Variants in PRDM5 observed in about 807,000 individuals in gnomAD.
The protein encoded by PRDM5 is PR domain zinc finger protein 5.
PRDM5 carries 56 observed loss-of-function variants against 81.2 expected under a neutral mutation model. The observed-to-expected ratio is 0.69, with a 90% CI of 0.56 to 0.86. The LOEUF (loss-of-function observed/expected upper bound fraction) is 0.86, where lower values mean the gene tolerates loss of function less well. Among genes scored for constraint, PRDM5 ranks in the 40% least tolerant of loss-of-function variants. The pLI is 0.00. For missense variants in PRDM5, 697 were observed against 770.1 expected (o/e 0.91, Z 1.12); for synonymous variants, 267 against 256.4 (o/e 1.04, Z -0.39).
At chr4:120,780,812 TTAGA>T (rs1171449367) in intron 12 of PRDM5, among the ~76,000 whole-genome samples, 1 of 152,126 alleles carries the variant, frequency 6.6e-6, no homozygotes, top group East Asian at 1.9e-4. Context: ...CTCATATTTC[TTAGA>T]AAGAAACAGC....
At chr4:120,860,820 A>G (rs1056379671) in intron 2 of PRDM5, among the ~76,000 whole-genome samples, 1 of 152,150 alleles carries the variant, frequency 6.6e-6, no homozygotes, top group Admixed American at 6.5e-5. Context: ...TATTTCACCA[A>G]AGTATTAGAA....
At chr4:120,773,589 T>C (rs1032490557) in intron 13 of PRDM5, among the ~76,000 whole-genome samples, 1 of 152,164 alleles carries the variant, frequency 6.6e-6, no homozygotes, top group African/African-American at 2.4e-5. Context: ...CCAACTGATT[T>C]TACTGTCACA....
chr4:120,818,061 A>G (rs1204852531), intron 5 of PRDM5: 1 of 291,052 alleles, frequency 3.4e-6, no homozygotes. Flanking sequence ...AGATTAAACC[A>G]GTAAGCTTGA....
intron 14 of PRDM5, among the ~76,000 whole-genome samples, chr4:120,742,723 T>A (rs1426901558): frequency 3.9e-5 from 6 of 152,092 alleles, no homozygotes; most frequent in South Asian, 4.2e-4. Context: ...AAGGAAAGTT[T>A]AGAGAAAAAA....
chr4:120,825,185 T>C (rs1755801106), intron 3 of PRDM5, among the ~76,000 whole-genome samples: 1 of 152,086 alleles, frequency 6.6e-6, no homozygotes, highest in Non-Finnish European at 1.5e-5. Flanking sequence ...ATGGAGAAAA[T>C]AGTAGTGCCT....
chr4:120,768,601 T>G (rs1056471247), intron 13 of PRDM5, among the ~76,000 whole-genome samples: 5 of 152,184 alleles, frequency 3.3e-5, no homozygotes, highest in Non-Finnish European at 7.4e-5. Flanking sequence ...TAGATGAGAT[T>G]TGCTACACAA....
At chr4:120,814,734 A>G (rs546238466) in intron 7 of PRDM5, among the ~76,000 whole-genome samples, 1 of 152,332 alleles carries the variant, frequency 6.6e-6, no homozygotes, top group Admixed American at 6.5e-5. Flanking sequence ...TCTTTCCTCC[A>G]ATGCCTGTGC....
intron 3 of PRDM5, among the ~76,000 whole-genome samples, chr4:120,829,194 C>T (rs566650636): frequency 2.6e-5 from 4 of 152,072 alleles, no homozygotes; most frequent in South Asian, 4.1e-4. Flanking sequence ...AATTACATAG[C>T]GTAACATAAG....
chr4:120,752,208 T>C (rs777488207), intron 14 of PRDM5, among the ~76,000 whole-genome samples: 2 of 152,322 alleles, frequency 1.3e-5, no homozygotes, highest in East Asian at 1.9e-4. Flanking sequence ...TTTTGAAAAT[T>C]TGAACTAATA....
intron 1 of PRDM5, among the ~76,000 whole-genome samples, chr4:120,908,127 C>T (rs938944999): frequency 4.6e-5 from 7 of 152,192 alleles, no homozygotes; most frequent in African/African-American, 1.4e-4. Flanking sequence ...GAGAAACACC[C>T]GTGTTACTAG....
chr4:120,811,830 A>T (rs576796240), intron 7 of PRDM5, among the ~76,000 whole-genome samples: 30 of 152,210 alleles, frequency 2.0e-4, no homozygotes, highest in African/African-American at 7.2e-4. Context: ...TAATCACATC[A>T]GGGTAATTGG....
intron 2 of PRDM5, among the ~76,000 whole-genome samples, chr4:120,906,942 C>A (rs141289314): frequency 7.0e-4 from 102 of 145,074 alleles, no homozygotes; most frequent in Non-Finnish European, 1.2e-3. Flanking sequence ...TATTTTTCAA[C>A]GAAGAACTTC....
At chr4:120,717,064 A>G (rs1578458465) in intron 14 of PRDM5, among the ~76,000 whole-genome samples, 1 of 35,084 alleles carries the variant, frequency 2.9e-5, no homozygotes, top group Non-Finnish European at 6.0e-5. Context: ...AACATTGTGA[A>G]AAAAAAAAAA....
intron 13 of PRDM5, among the ~76,000 whole-genome samples, chr4:120,769,815 A>G (rs775807707): frequency 9.2e-5 from 14 of 152,190 alleles, no homozygotes; most frequent in Admixed American, 2.0e-4. Context: ...TAACTGAAAG[A>G]AAACAAAAAC....
At chr4:120,886,765 G>C (rs1166202394) in intron 2 of PRDM5, among the ~76,000 whole-genome samples, 1 of 152,058 alleles carries the variant, frequency 6.6e-6, no homozygotes, top group Non-Finnish European at 1.5e-5. Flanking sequence ...GGGGAGTAAA[G>C]ATAATAATAA....
chr4:120,781,326 T>C (rs1305877943), intron 11 of PRDM5, 23 bp from the exon 12 acceptor site: 2 of 1,605,112 alleles, frequency 1.2e-6, no homozygotes, highest in African/African-American at 1.3e-5. Context: ...GAGAAACATT[T>C]AAGAAGCAAT....
intron 1 of PRDM5, chr4:120,685,069 A>G (rs1363074582): frequency 1.3e-5 from 2 of 151,978 alleles, no homozygotes; most frequent in African/African-American, 4.8e-5. Context: ...TAAACACTTG[A>G]ATTAATTTGT....
intron 2 of PRDM5, chr4:120,896,657 T>TCACACACACACACACACA (rs374407164): frequency 1.4e-5 from 2 of 144,796 alleles, no homozygotes; most frequent in Admixed American, 7.0e-5. Context: ...CTTAAATATT[T>TCACACACACACACACACA]CACACACACA....
At chr4:120,922,490 G>T in intron 1 of PRDM5, 26 bp downstream of exon 1, 1 of 1,578,634 alleles carries the variant, frequency 6.3e-7, no homozygotes, top group Non-Finnish European at 8.6e-7. Flanking sequence ...GTGCAGGGGC[G>T]CGCAGGCCGC....
Sources: gnomAD v4.1 joint callset for allele counts (sites outside exome capture counted in the v4.1 genomes callset) on GRCh38, gnomAD v4.1.1 for gene constraint, MANE v1.5 for transcripts, NCBI Gene and HGNC (gene_info 2026-07-23, HGNC 2026-07-21) for gene names.